The following PBX4 variants were observed in gnomAD, a reference collection of about 807,000 sequenced individuals.
The protein encoded by PBX4 is PBX homeobox 4.
Under a neutral mutation model 35.1 loss-of-function variants are expected in PBX4, and 26 were observed. That is an observed-to-expected ratio of 0.74 (90% CI 0.54 to 1.03). The LOEUF (loss-of-function observed/expected upper bound fraction) is 1.03, where lower values mean the gene tolerates loss of function less well. PBX4 is among the 50% of genes least tolerant of loss of function. PBX4 has a pLI of 0.00. For synonymous variants in PBX4, 199 were observed against 204.2 expected (o/e 0.97, Z 0.22); for missense variants, 448 against 504.3 (o/e 0.89, Z 1.07).
chr19:19,611,576 G>A (rs1206646806), intron 1 of PBX4, among the ~76,000 whole-genome samples: 1 of 151,732 alleles, frequency 6.6e-6, no homozygotes, highest in Non-Finnish European at 1.5e-5. Flanking sequence ...CTACTTGGGA[G>A]GCTGAGGCAG....
At chr19:19,586,355 T>C (rs932610651) in intron 2 of PBX4, among the ~76,000 whole-genome samples, 12 of 152,006 alleles carry the variant, frequency 7.9e-5, no homozygotes, top group African/African-American at 1.2e-4. Context: ...CAAGAATGCA[T>C]TGAGCCATGA....
intron 6 of PBX4, among the ~76,000 whole-genome samples, chr19:19,564,042 G>C (rs2061325553): frequency 6.6e-6 from 1 of 151,630 alleles, no homozygotes; most frequent in South Asian, 2.1e-4. Context: ...TGCACAATGT[G>C]CAGGTTTGTT....
At chr19:19,590,121 C>T (rs2061517395) in intron 2 of PBX4, among the ~76,000 whole-genome samples, 1 of 152,126 alleles carries the variant, frequency 6.6e-6, no homozygotes, top group African/African-American at 2.4e-5. Flanking sequence ...AAAGTGAATA[C>T]TTCAGTGGTT....
intron 2 of PBX4, among the ~76,000 whole-genome samples, chr19:19,575,393 C>T (rs1350965888): frequency 1.3e-5 from 2 of 152,112 alleles, no homozygotes; most frequent in Admixed American, 6.5e-5. Flanking sequence ...AGTGGACACC[C>T]TTGGACAGCC....
At chr19:19,610,712 G>A (rs2061658646) in intron 1 of PBX4, among the ~76,000 whole-genome samples, 1 of 151,978 alleles carries the variant, frequency 6.6e-6, no homozygotes, top group Admixed American at 6.6e-5. Flanking sequence ...CCGAGATTAC[G>A]CCACTGCACT....
At chr19:19,610,874 AG>A (rs2061659583) in intron 1 of PBX4, among the ~76,000 whole-genome samples, 1 of 152,232 alleles carries the variant, frequency 6.6e-6, no homozygotes, top group Non-Finnish European at 1.5e-5. Flanking sequence ...AAAGACTACA[AG>A]GCACGAAGTC....
chr19:19,565,502 C>T (rs184557741), intron 5 of PBX4, among the ~76,000 whole-genome samples: 4 of 152,188 alleles, frequency 2.6e-5, no homozygotes, highest in African/African-American at 4.8e-5. Context: ...CCAGTAACTG[C>T]GATCGAATCC....
At chr19:19,595,322 C>T (rs1437441305) in intron 2 of PBX4, among the ~76,000 whole-genome samples, 1 of 152,196 alleles carries the variant, frequency 6.6e-6, no homozygotes, top group Non-Finnish European at 1.5e-5. Flanking sequence ...TACACATTGG[C>T]TGTGTCCTTC....
chr19:19,606,836 C>G (rs1174953311), intron 1 of PBX4: 1 of 151,978 alleles, frequency 6.6e-6, no homozygotes, highest in Non-Finnish European at 1.5e-5. Flanking sequence ...ACTAAAAATA[C>G]AAAAATTAGC....
In PBX4 at chr19:19,563,828, A is replaced by C; in HGVS notation, c.926-213T>G. 1 of 467,628 alleles carries C rather than the reference A, an allele frequency of 2.1e-6. No homozygotes were observed. 29.0% of individuals were successfully genotyped at this position (467,628 alleles called of 1,614,324 possible). A position where few individuals can be genotyped will look rare whatever the true frequency, so the allele number is the denominator to read the frequency against. On this transcript the variant is annotated intron_variant, in intron 6 of 7. Transcript: ENST00000251203. The surrounding 1 kb of genome is among the most constrained non-coding windows in gnomAD (Gnocchi z 5.1). ...TGGCTTGTCTTTTTTTTTTCTTTTT[A>C]AGACAGTCTCGCTCTGTCACCCAGG...
In PBX4 at chr19:19,563,447, G is replaced by T; in HGVS notation, c.1032+62C>A. On this transcript the variant is annotated intron_variant, in intron 7 of 7. Transcript: ENST00000251203. This position sits in a 1 kb window ranked among gnomAD's most constrained non-coding sequence, Gnocchi z 5.1. ...CCCAAGGCCGAGGGGTGGCTGACAA[G>T]ACGACCCTTTCTGAGAACCTACCAC... 7.4e-7 allele frequency: 1 copy of T among 1,352,374 alleles called. No homozygotes were observed. Among genetic ancestry groups the T allele is most frequent in the South Asian group, 1.4e-5 (1 of 71,198 alleles). The allele number at this position is 1,352,374 out of a possible 1,614,324, so 83.8% of individuals were successfully genotyped here.
intron 1 of PBX4, among the ~76,000 whole-genome samples, chr19:19,606,072 G>T (rs2061629479): frequency 6.6e-6 from 1 of 152,144 alleles, no homozygotes; most frequent in South Asian, 2.1e-4. Context: ...TTCCCCAAGG[G>T]GATGAAATCA....
intron 2 of PBX4, among the ~76,000 whole-genome samples, chr19:19,595,968 C>T (rs1214270518): frequency 6.6e-6 from 1 of 152,088 alleles, no homozygotes; most frequent in Non-Finnish European, 1.5e-5. Flanking sequence ...TACAGTGGCT[C>T]ATGCATGTAA....
intron 1 of PBX4, among the ~76,000 whole-genome samples, chr19:19,615,191 A>T: frequency 7.2e-6 from 1 of 139,728 alleles, no homozygotes; most frequent in East Asian, 2.2e-4. Flanking sequence ...AAAAAAAAAA[A>T]GAAAGATTAG....
chr19:19,571,744 G>T (rs944710338), intron 2 of PBX4, among the ~76,000 whole-genome samples: 3 of 152,132 alleles, frequency 2.0e-5, no homozygotes, highest in African/African-American at 7.2e-5. Context: ...TGAAAAGGTG[G>T]CTTCACGGCC....
At chr19:19,611,034 C>T (rs1421879655) in intron 1 of PBX4, among the ~76,000 whole-genome samples, 1 of 152,178 alleles carries the variant, frequency 6.6e-6, no homozygotes, top group Non-Finnish European at 1.5e-5. Flanking sequence ...CCCTAGAACC[C>T]TTGCATTCTT....
At chr19:19,567,331 AC>A (rs2061348896) in intron 5 of PBX4, among the ~76,000 whole-genome samples, 1 of 152,160 alleles carries the variant, frequency 6.6e-6, no homozygotes, top group Non-Finnish European at 1.5e-5. Flanking sequence ...TGTGACTATG[AC>A]CTCAGGATGT....
At chr19:19,589,204 G>A (rs1230318659) in intron 2 of PBX4, among the ~76,000 whole-genome samples, 3 of 151,948 alleles carry the variant, frequency 2.0e-5, no homozygotes, top group Non-Finnish European at 2.9e-5. Flanking sequence ...CGAGGCCGGC[G>A]GATCACGAGG....
intron 2 of PBX4, among the ~76,000 whole-genome samples, chr19:19,598,667 A>G (rs1245186431): frequency 6.6e-6 from 1 of 151,954 alleles, no homozygotes; most frequent in African/African-American, 2.4e-5. Flanking sequence ...AATGCTAAGC[A>G]CCTCTTAGGT....
Sources: allele counts gnomAD v4.1 joint callset (sites outside exome capture counted in the v4.1 genomes callset), GRCh38; gene constraint gnomAD v4.1.1; non-coding constraint Gnocchi (gnomAD v3.1); transcripts MANE v1.5; gene names NCBI Gene and HGNC (gene_info 2026-07-23, HGNC 2026-07-21).